RUNDC3B: variants seen among roughly 807,000 people sequenced by gnomAD.
RUNDC3B encodes the protein RUN domain-containing protein 3B.
RUNDC3B carries 33 observed loss-of-function variants against 58.4 expected under a neutral mutation model. The ratio of observed to expected loss-of-function variants is 0.56; its 90% CI spans 0.43 to 0.75. The LOEUF (loss-of-function observed/expected upper bound fraction) is 0.75. RUNDC3B is among the 30% of genes least tolerant of loss of function. The pLI is 0.00. For missense variants in RUNDC3B, 501 were observed against 535.7 expected (o/e 0.94, Z 0.64); for synonymous variants, 193 against 195.2 (o/e 0.99, Z 0.10).
intron 2 of RUNDC3B, among the ~76,000 whole-genome samples, chr7:87,688,521 T>C (rs1009004953): frequency 1.3e-5 from 2 of 151,928 alleles, no homozygotes; most frequent in African/African-American, 4.8e-5. Flanking sequence ...TACCCTAAAA[T>C]AGGAAAAAAA....
Position 87,745,779 on chromosome 7 carries a change from A to G in RUNDC3B, c.629+4200A>G, listed in dbSNP as rs1832607373. Among the ~76,000 whole-genome samples the G allele has an allele frequency of 2.6e-5, 4 of 151,214 alleles. No homozygotes were observed. The South Asian group carries it at 6.3e-4, about 24-fold the overall frequency. On this transcript the variant is annotated intron_variant, in intron 6 of 10. Transcript: ENST00000394654. ...GCTTTTTGTTTCATTTATCTTTTGTATTTTTTTGTTTCAATTTCATTTAAT... is the reference window on the plus strand; with the variant it reads ...GCTTTTTGTTTCATTTATCTTTTGTGTTTTTTTGTTTCAATTTCATTTAAT...
intron 6 of RUNDC3B, among the ~76,000 whole-genome samples, chr7:87,745,964 G>A (rs892783042): frequency 3.3e-5 from 5 of 151,970 alleles, no homozygotes; most frequent in African/African-American, 7.3e-5. Context: ...TTTTAGCACC[G>A]CCTTTGCTGT....
chr7:87,641,316 G>A (rs1463359635), intron 1 of RUNDC3B, among the ~76,000 whole-genome samples: 1 of 152,124 alleles, frequency 6.6e-6, no homozygotes, highest in Non-Finnish European at 1.5e-5. Context: ...CAATAGTGTA[G>A]GTTAATGACC....
At chr7:87,739,030 A>G (rs1452091334) in intron 4 of RUNDC3B, among the ~76,000 whole-genome samples, 1 of 151,928 alleles carries the variant, frequency 6.6e-6, no homozygotes, top group East Asian at 1.9e-4. Flanking sequence ...ACTAGATTTT[A>G]CATAGTACTA....
intron 6 of RUNDC3B, among the ~76,000 whole-genome samples, chr7:87,750,847 G>A (rs1233218032): frequency 2.0e-5 from 3 of 151,188 alleles, no homozygotes; most frequent in Admixed American, 6.6e-5. Flanking sequence ...CACTCTGATG[G>A]TAGTTTCTTT....
At chr7:87,820,737 C>T (rs1356514174) in intron 10 of RUNDC3B, among the ~76,000 whole-genome samples, 18 of 151,430 alleles carry the variant, frequency 1.2e-4, no homozygotes, top group African/African-American at 3.1e-4. Context: ...GTTCAACATA[C>T]GCAAATCAAT....
intron 6 of RUNDC3B, among the ~76,000 whole-genome samples, chr7:87,746,225 G>A (rs1832633002): frequency 6.6e-6 from 1 of 152,044 alleles, no homozygotes; most frequent in Non-Finnish European, 1.5e-5. Context: ...CCTATCATAT[G>A]GTCTATCTTG....
At chr7:87,800,098 GC>G (rs1463674752) in intron 8 of RUNDC3B, among the ~76,000 whole-genome samples, 2 of 152,102 alleles carry the variant, frequency 1.3e-5, no homozygotes, top group Non-Finnish European at 2.9e-5. Flanking sequence ...CTTTGGAGTT[GC>G]ATTGGAATAT....
At chr7:87,658,193 G>T (rs1824313707) in intron 2 of RUNDC3B, among the ~76,000 whole-genome samples, 1 of 152,080 alleles carries the variant, frequency 6.6e-6, no homozygotes, top group African/African-American at 2.4e-5. Context: ...CCACAGCAAA[G>T]AAATGGAAGA....
chr7:87,635,028 TC>T (rs1198146368), intron 1 of RUNDC3B, among the ~76,000 whole-genome samples: 5 of 152,176 alleles, frequency 3.3e-5, no homozygotes, highest in Admixed American at 3.3e-4. Flanking sequence ...AGACTAGCTA[TC>T]CCCCAGTCCT....
rs566539419 is a variant in RUNDC3B, at chr7:87,705,636, A to C, written c.373-4934A>C. Among the ~76,000 whole-genome samples, 3 of 152,314 alleles carry C rather than the reference A, an allele frequency of 2.0e-5. No homozygotes were observed. The East Asian group carries it at 5.8e-4, about 29-fold the overall frequency. ...TCATATGCAGGTGTTATGGAACATG[A>C]GACTTTTATTACATAAATTACTTAG... is the stretch of plus-strand genomic sequence containing the variant. On this transcript the variant is annotated intron_variant, in intron 3 of 10. Transcript: ENST00000394654.
intron 6 of RUNDC3B, among the ~76,000 whole-genome samples, chr7:87,745,090 TTTAG>T (rs1832570983): frequency 6.6e-6 from 1 of 152,166 alleles, no homozygotes; most frequent in Non-Finnish European, 1.5e-5. Flanking sequence ...GATTTGTGTT[TTTAG>T]TTCTGTTTAT....
chr7:87,677,662 A>G (rs544023490), intron 2 of RUNDC3B, among the ~76,000 whole-genome samples: 1 of 152,318 alleles, frequency 6.6e-6, no homozygotes, highest in Non-Finnish European at 1.5e-5. Context: ...TACACACACA[A>G]AAATCCAAAA....
At chr7:87,707,044 A>G (rs1829661259) in intron 3 of RUNDC3B, among the ~76,000 whole-genome samples, 1 of 152,140 alleles carries the variant, frequency 6.6e-6, no homozygotes, top group Non-Finnish European at 1.5e-5. Flanking sequence ...CAGAAGATTA[A>G]TACAAAAAAA....
intron 4 of RUNDC3B, among the ~76,000 whole-genome samples, chr7:87,723,267 A>G (rs958137641): frequency 1.3e-5 from 2 of 152,192 alleles, no homozygotes; most frequent in East Asian, 1.9e-4. Context: ...AAGAAGGGAT[A>G]TATAATCACA....
At chr7:87,692,633 T>C (rs1390087969) in intron 2 of RUNDC3B, among the ~76,000 whole-genome samples, 1 of 152,224 alleles carries the variant, frequency 6.6e-6, no homozygotes, top group African/African-American at 2.4e-5. Context: ...AAATTGTTTT[T>C]ACTTTGATAA....
chr7:87,708,146 A>G (rs1163707749), intron 3 of RUNDC3B, among the ~76,000 whole-genome samples: 2 of 152,158 alleles, frequency 1.3e-5, no homozygotes, highest in Non-Finnish European at 2.9e-5. Context: ...AAGGAAAGAA[A>G]TAACAGTAAA....
At chr7:87,715,381 TC>T (rs1830485838) in intron 4 of RUNDC3B, among the ~76,000 whole-genome samples, 1 of 110,106 alleles carries the variant, frequency 9.1e-6, no homozygotes. Context: ...AATTATATAA[TC>T]AATATAATAT....
chr7:87,693,384 A>G (rs1828189697), intron 2 of RUNDC3B, among the ~76,000 whole-genome samples: 1 of 152,222 alleles, frequency 6.6e-6, no homozygotes, highest in Non-Finnish European at 1.5e-5. Context: ...TAGGCAAAAA[A>G]TGAATGGCTA....
Sources: allele counts gnomAD v4.1 joint callset (sites outside exome capture counted in the v4.1 genomes callset), GRCh38; gene constraint gnomAD v4.1.1; transcripts MANE v1.5; gene names NCBI Gene and HGNC (gene_info 2026-07-23, HGNC 2026-07-21).